The following C11orf65 variants were observed in gnomAD, a reference collection of about 807,000 sequenced individuals.
C11orf65 encodes chromosome 11 open reading frame 65, also known as protein MFI.
In C11orf65, 38 loss-of-function variants were observed where a neutral mutation model predicts 35.3. The observed-to-expected ratio is 1.08, with a 90% confidence interval of 0.83 to 1.41. The LOEUF (loss-of-function observed/expected upper bound fraction) is 1.41. Ranked by LOEUF, C11orf65 falls within the 40% of genes most tolerant of loss-of-function variation. The pLI, the probability that C11orf65 is intolerant of heterozygous loss-of-function variation, is 0.00. For synonymous variants in C11orf65, 105 were observed against 114.4 expected (o/e 0.92, Z 0.53); for missense variants, 370 against 367.1 (o/e 1.01, Z -0.06).
intron 2 of C11orf65, among the ~76,000 whole-genome samples, chr11:108,442,507 C>T (rs2093171717): frequency 6.6e-6 from 1 of 151,942 alleles, no homozygotes; most frequent in African/African-American, 2.4e-5. Context: ...AAGAGCAATC[C>T]CAAGACACAT....
At chr11:108,347,035 A>G (rs1213513019) in intron 2 of C11orf65, among the ~76,000 whole-genome samples, 4 of 152,178 alleles carry the variant, frequency 2.6e-5, no homozygotes, top group African/African-American at 9.6e-5. Context: ...ATGTGTGCCT[A>G]TTAGTAAAGA....
rs10677306 is a variant in C11orf65 at position 108,463,924 on chromosome 11, A to ATTT, written c.-9-2359_-9-2357dup. On this transcript the variant is annotated intron_variant, in intron 1 of 8. Coordinates refer to ENST00000393084, the MANE Select transcript of C11orf65 (RefSeq NM_152587.5). ...TATTTCAGGCCTAAAAGATTTGTTA[A>ATTT]TTTTTTTTTTTTTTTTTTTTGAGAC... is the stretch of plus-strand genomic sequence containing the variant. Among the ~76,000 whole-genome samples, 70 of 132,416 alleles carry ATTT rather than the reference A, an allele frequency of 5.3e-4. 1 individual carries two copies. The highest frequency in any genetic ancestry group is 6.3e-4 in the Admixed American group (8 of 12,742). 86.9% of individuals were successfully genotyped at this position (132,416 alleles called of 152,430 possible).
intron 2 of C11orf65, among the ~76,000 whole-genome samples, chr11:108,457,908 T>C (rs1489772516): frequency 6.6e-6 from 1 of 152,094 alleles, no homozygotes; most frequent in East Asian, 1.9e-4. Context: ...GTATCTAGAA[T>C]CAAGATGCTG....
At chr11:108,450,951 T>C (rs553843573) in intron 2 of C11orf65, among the ~76,000 whole-genome samples, 53 of 151,844 alleles carry the variant, frequency 3.5e-4, no homozygotes, top group Non-Finnish European at 6.2e-4. Context: ...TCAATAAAAT[T>C]CAACAGCTCT....
chr11:108,323,172 T>C (rs1333816524), intron 6 of C11orf65, among the ~76,000 whole-genome samples: 3 of 152,238 alleles, frequency 2.0e-5, no homozygotes, highest in African/African-American at 2.4e-5. Flanking sequence ...AAGAAAATAA[T>C]AATAGTTTTT....
intron 3 of C11orf65, among the ~76,000 whole-genome samples, chr11:108,424,310 T>C (rs143634957): frequency 0.013 from 2,020 of 151,956 alleles, 22 homozygotes; most frequent in South Asian, 0.023. Flanking sequence ...ACATCAGAGA[T>C]TGAAGATCAA....
intron 2 of C11orf65, among the ~76,000 whole-genome samples, chr11:108,447,027 A>C (rs2093273044): frequency 6.6e-6 from 1 of 152,204 alleles, no homozygotes; most frequent in African/African-American, 2.4e-5. Context: ...AGATCAAAAG[A>C]GACAAAGAAG....
chr11:108,431,835 C>A lies in C11orf65; in HGVS notation c.85G>T (p.Val29Phe). 2.0e-6 allele frequency: 3 copies of A among 1,485,380 alleles called. No individual in the cohort carries two copies. The highest frequency in any genetic ancestry group is 2.7e-6 in the Non-Finnish European group (3 of 1,095,718). The allele number at this position is 1,485,380 out of a possible 1,614,324, so 92.0% of individuals were successfully genotyped here. Residue 29 changes from valine to phenylalanine, a missense_variant, in exon 3 of 9, where the codon GTC becomes TTC. Val to Phe is a conservative substitution (Grantham distance 50, BLOSUM62 -1). Transcript: ENST00000393084. ...CTTTTAAAGTGTTGAAATATAGCGA[C>A]ATTCTAAAGGTTCAAACACAAGATT... is the stretch of plus-strand genomic sequence containing the variant. Reference protein sequence around the residue: ...IQQAWKSFLNVAIFQHFKSLI... With the variant: ...IQQAWKSFLNFAIFQHFKSLI...
At chr11:108,425,865 T>C (rs1384153110) in intron 3 of C11orf65, among the ~76,000 whole-genome samples, 1 of 152,114 alleles carries the variant, frequency 6.6e-6, no homozygotes, top group Non-Finnish European at 1.5e-5. Context: ...ATAAATGTAA[T>C]CCATCACATA....
Position 108,368,142 on chromosome 11 carries a change from A to T in C11orf65, c.226+25066T>A, listed in dbSNP as rs1368813513. The T allele has an allele frequency of 1.9e-5, 4 of 208,298 alleles. No individual in the cohort carries two copies. In the East Asian group the frequency reaches 2.9e-4, roughly 15 times the overall value. 12.9% of individuals were successfully genotyped at this position (208,298 alleles called of 1,614,324 possible). The stretch of plus-strand genomic sequence containing the variant: ...ATCAATGGCTTTGAAAAGTTTATCA[A>T]ATTTACATACAGATCACAAGCCTAG... On this transcript the variant is annotated intron_variant, in intron 2 of 3. Transcript: ENST00000524755.
intron 6 of C11orf65, among the ~76,000 whole-genome samples, chr11:108,313,930 AT>A (rs1565496016): frequency 6.6e-6 from 1 of 152,112 alleles, no homozygotes; most frequent in Non-Finnish European, 1.5e-5. Context: ...TTTAAACAGA[AT>A]ATATCTTTTC....
At chr11:108,454,116 A>G (rs535228356) in intron 2 of C11orf65, among the ~76,000 whole-genome samples, 1 of 151,962 alleles carries the variant, frequency 6.6e-6, no homozygotes, top group Admixed American at 6.6e-5. Flanking sequence ...GTCTATTCAT[A>G]TTTTCTATTT....
intron 3 of C11orf65, among the ~76,000 whole-genome samples, chr11:108,416,106 G>A (rs369034328): frequency 3.9e-5 from 6 of 152,094 alleles, no homozygotes; most frequent in South Asian, 4.1e-4. Flanking sequence ...TAGATATGAC[G>A]GACTTCATTA....
At chr11:108,374,022 G>A (rs1284440330) in intron 2 of C11orf65, among the ~76,000 whole-genome samples, 1 of 152,246 alleles carries the variant, frequency 6.6e-6, no homozygotes, top group African/African-American at 2.4e-5. Context: ...AAGCAGCCGG[G>A]AAGCTCCAAC....
At chr11:108,370,153 T>A (rs2091516249) in intron 2 of C11orf65, among the ~76,000 whole-genome samples, 1 of 152,166 alleles carries the variant, frequency 6.6e-6, no homozygotes, top group Admixed American at 6.5e-5. Flanking sequence ...AGATCTTGTA[T>A]AGTTTTACTA....
intron 6 of C11orf65, among the ~76,000 whole-genome samples, chr11:108,322,627 AG>A (rs2085319160): frequency 6.6e-6 from 1 of 152,348 alleles, no homozygotes; most frequent in South Asian, 2.1e-4. Flanking sequence ...AGGATGCTGT[AG>A]ATCTAAATTC....
At chr11:108,392,437 C>G (rs1013689083) in intron 7 of C11orf65, among the ~76,000 whole-genome samples, 11 of 151,928 alleles carry the variant, frequency 7.2e-5, no homozygotes, top group African/African-American at 9.7e-5. Flanking sequence ...GTGTCTTCTG[C>G]TTTTTTGCTA....
At position 108,326,116 on chromosome 11, in the gene C11orf65, C is replaced by T. The variant is rs1555119833; in HGVS notation, c.641-17045G>A. The T allele has an allele frequency of 6.2e-7, 1 of 1,614,124 alleles. No individual in the cohort carries two copies. The highest frequency in any genetic ancestry group is 8.5e-7 in the Non-Finnish European group (1 of 1,180,006). ...TACAATTCAGTTAGCTGTGGAGTCT[C>T]TGAGTGGCAGCTGGAAGAAGCACAA... On this transcript the variant is annotated intron_variant, in intron 6 of 6. Transcript: ENST00000525729.
chr11:108,356,716 A>G (rs1013362920), intron 2 of C11orf65, among the ~76,000 whole-genome samples: 1 of 152,188 alleles, frequency 6.6e-6, no homozygotes, highest in Non-Finnish European at 1.5e-5. Context: ...AGAAGAAGGT[A>G]GTTCTTTTAG....
Sources: gnomAD v4.1 joint callset for allele counts (sites outside exome capture counted in the v4.1 genomes callset) on GRCh38, gnomAD v4.1.1 for gene constraint, MANE v1.5 for transcripts, NCBI Gene and HGNC (gene_info 2026-07-23, HGNC 2026-07-21) for gene names.